The following WWC1 variants were observed in gnomAD, a reference collection of about 807,000 sequenced individuals.
WWC1 encodes protein KIBRA.
In WWC1, 55 loss-of-function variants were observed where a neutral mutation model predicts 138.4. The ratio of observed to expected loss-of-function variants is 0.40; its 90% CI spans 0.32 to 0.50. The LOEUF (loss-of-function observed/expected upper bound fraction) is 0.50, where lower values mean the gene tolerates loss of function less well. Ranked by LOEUF, WWC1 falls within the 20% of genes least tolerant of loss-of-function variation. The pLI, the probability that WWC1 is intolerant of heterozygous loss-of-function variation, is 0.72. For missense variants in WWC1, 1,226 were observed against 1,420.4 expected (o/e 0.86, Z 2.20); for synonymous variants, 524 against 564.9 (o/e 0.93, Z 1.03).
At chr5:168,318,316 T>C (rs1339068413) in intron 1 of WWC1, among the ~76,000 whole-genome samples, 1 of 152,206 alleles carries the variant, frequency 6.6e-6, no homozygotes, top group African/African-American at 2.4e-5. Flanking sequence ...AAAAATTTAT[T>C]TTTAATTGTG....
Position 168,408,517 on chromosome 5 carries a change from T to A in WWC1, c.731T>A (p.Met244Lys). ...EKQDLIKSLA[M>K]LKDGFRTDRG... ...TCTCCCCTCCTTCAGAGCCTTGCCATGTTGAAGGACGGCTTCCGCACTGAC... is the reference window on the plus strand; with the variant it reads ...TCTCCCCTCCTTCAGAGCCTTGCCAAGTTGAAGGACGGCTTCCGCACTGAC... The change falls in exon 7 of 23, where the codon ATG becomes AAG. Residue 244 changes from methionine (M) to lysine (K), a missense_variant. Transcript: ENST00000265293. The A allele has an allele frequency of 6.2e-7, 1 of 1,613,984 alleles. No homozygotes were observed. Among genetic ancestry groups the A allele is most frequent in the Non-Finnish European group, 8.5e-7 (1 of 1,179,918 alleles).
At chr5:168,324,423 ACT>A (rs1018795033) in intron 1 of WWC1, among the ~76,000 whole-genome samples, 14 of 152,000 alleles carry the variant, frequency 9.2e-5, no homozygotes, top group African/African-American at 3.4e-4. Context: ...ACAGAGCGTG[ACT>A]CTGTCTCAAA....
intron 9 of WWC1, among the ~76,000 whole-genome samples, chr5:168,418,514 G>C (rs6893421): frequency 6.6e-6 from 1 of 152,068 alleles, no homozygotes; most frequent in African/African-American, 2.4e-5. Context: ...GCCTCCCAGC[G>C]TGTGCCAGGC....
intron 15 of WWC1, among the ~76,000 whole-genome samples, chr5:168,434,003 C>T (rs913883144): frequency 9.2e-5 from 14 of 152,240 alleles, no homozygotes; most frequent in Admixed American, 4.6e-4. Flanking sequence ...CACACGTCAG[C>T]GCCTCTGTGT....
intron 1 of WWC1, among the ~76,000 whole-genome samples, chr5:168,332,473 A>G (rs188480406): frequency 1.4e-4 from 22 of 152,316 alleles, no homozygotes; most frequent in African/African-American, 5.3e-4. Flanking sequence ...CTTTCTTAGT[A>G]ATGAAGTAGA....
chr5:168,345,492 C>T (rs923146988), intron 1 of WWC1, among the ~76,000 whole-genome samples: 1 of 152,154 alleles, frequency 6.6e-6, no homozygotes, highest in East Asian at 1.9e-4. Flanking sequence ...TCAGCCATTC[C>T]TTGGGTGTGA....
chr5:168,293,055 A>G (rs1197101858), intron 1 of WWC1, among the ~76,000 whole-genome samples: 1 of 152,196 alleles, frequency 6.6e-6, no homozygotes, highest in Non-Finnish European at 1.5e-5. Flanking sequence ...TCAGCCCTGC[A>G]CCAGCGGGAC....
intron 2 of WWC1, among the ~76,000 whole-genome samples, chr5:168,380,032 T>C (rs1777496642): frequency 6.6e-6 from 1 of 152,184 alleles, no homozygotes; most frequent in African/African-American, 2.4e-5. Flanking sequence ...AAAATCTTTG[T>C]TCCTCAAAAG....
At chr5:168,439,099 G>C (rs567934758) in intron 15 of WWC1, among the ~76,000 whole-genome samples, 1 of 152,142 alleles carries the variant, frequency 6.6e-6, no homozygotes, top group East Asian at 1.9e-4. Flanking sequence ...GCAATATGTA[G>C]ATAGACTATA....
At chr5:168,464,589 A>G in intron 20 of WWC1, 140 bp from the exon 21 acceptor site, 1 of 1,381,128 alleles carries the variant, frequency 7.2e-7, no homozygotes, top group Non-Finnish European at 9.7e-7. Flanking sequence ...AATTCAAAAC[A>G]GGCTTCCCAG....
intron 15 of WWC1, among the ~76,000 whole-genome samples, chr5:168,437,134 G>A (rs984216297): frequency 6.6e-6 from 1 of 152,004 alleles, no homozygotes; most frequent in Non-Finnish European, 1.5e-5. Context: ...CCTCTGCCTG[G>A]CATTCTGTCC....
chr5:168,422,664 C>A (rs11740649), intron 10 of WWC1, among the ~76,000 whole-genome samples: 25,976 of 152,060 alleles, frequency 0.17, 2,356 homozygotes, highest in South Asian at 0.35. Context: ...CCTACCTGCA[C>A]AACACAGAGA....
At chr5:168,344,325 C>T (rs946823392) in intron 1 of WWC1, among the ~76,000 whole-genome samples, 2 of 152,126 alleles carry the variant, frequency 1.3e-5, no homozygotes, top group Admixed American at 1.3e-4. Flanking sequence ...GTTGGGTAGC[C>T]CACAGGAAAG....
At chr5:168,370,579 A>T (rs1776674439) in intron 1 of WWC1, among the ~76,000 whole-genome samples, 1 of 152,108 alleles carries the variant, frequency 6.6e-6, no homozygotes, top group Admixed American at 6.5e-5. Context: ...GGAAGAAACC[A>T]AAGTGACTGT....
intron 1 of WWC1, among the ~76,000 whole-genome samples, chr5:168,357,448 C>CTG (rs67198550): frequency 0.04 from 5,438 of 134,310 alleles, 166 homozygotes; most frequent in African/African-American, 0.082. Flanking sequence ...AACCTGCCTT[C>CTG]TGTGTGTGTG....
intron 1 of WWC1, among the ~76,000 whole-genome samples, chr5:168,317,610 G>C (rs1238510736): frequency 2.6e-5 from 4 of 152,136 alleles, no homozygotes; most frequent in Non-Finnish European, 5.9e-5. Context: ...ATTGCCTCCT[G>C]CCCTCTTAGG....
At chr5:168,380,268 C>T (rs1471070137) in intron 2 of WWC1, among the ~76,000 whole-genome samples, 1 of 152,020 alleles carries the variant, frequency 6.6e-6, no homozygotes, top group African/African-American at 2.4e-5. Context: ...AAACATAAGG[C>T]AGCACAGGGC....
chr5:168,414,142 C>G (rs539175313), intron 8 of WWC1: 1 of 631,074 alleles, frequency 1.6e-6, no homozygotes, highest in South Asian at 2.0e-5. Context: ...GCACCCCATT[C>G]CTGCAGAGCC....
chr5:168,416,103 G>A (rs6877224), intron 9 of WWC1: 82,419 of 151,782 alleles, frequency 0.54, 24,063 homozygotes, highest in East Asian at 0.77. Flanking sequence ...ACTTGCACAT[G>A]GCATGGTGCC....
Sources: gnomAD v4.1 joint callset for allele counts (sites outside exome capture counted in the v4.1 genomes callset) on GRCh38, gnomAD v4.1.1 for gene constraint, MANE v1.5 for transcripts, NCBI Gene and HGNC (gene_info 2026-07-23, HGNC 2026-07-21) for gene names.